The following HELQ variants were observed in gnomAD, a reference collection of about 807,000 sequenced individuals.
HELQ encodes helicase, POLQ like.
A neutral mutation model predicts 111.6 loss-of-function variants in HELQ; 77 were observed. That is an observed-to-expected ratio of 0.69 (90% confidence interval 0.57 to 0.83). The LOEUF is 0.83. HELQ is among the 40% of genes least tolerant of loss of function. The probability of loss-of-function intolerance (pLI) is 0.00; values close to 1 mark genes in which losing one functional copy is unlikely to be tolerated. For missense variants in HELQ, 1,200 were observed against 1,288.5 expected (o/e 0.93, Z 1.05); for synonymous variants, 438 against 454.7 (o/e 0.96, Z 0.47).
chr4:83,439,570 A>AG (rs1467672069), intron 8 of HELQ, among the ~76,000 whole-genome samples: 1 of 151,748 alleles, frequency 6.6e-6, no homozygotes, highest in East Asian at 1.9e-4. Flanking sequence ...CGTGTTGGCC[A>AG]GGCTCGTCTC....
intron 3 of HELQ, among the ~76,000 whole-genome samples, chr4:83,448,099 A>G (rs1464129750): frequency 1.3e-5 from 2 of 151,206 alleles, no homozygotes; most frequent in African/African-American, 4.9e-5. Flanking sequence ...AATCCTAGCT[A>G]CTTGGGAAGC....
At chr4:83,426,892 G>C (rs1320990442) in intron 13 of HELQ, among the ~76,000 whole-genome samples, 3 of 152,164 alleles carry the variant, frequency 2.0e-5, no homozygotes, top group Non-Finnish European at 2.9e-5. Flanking sequence ...CAGCTAGCCT[G>C]TTCACAGTAA....
intron 17 of HELQ, among the ~76,000 whole-genome samples, chr4:83,408,536 C>T (rs1030443671): frequency 1.3e-5 from 2 of 151,820 alleles, no homozygotes; most frequent in African/African-American, 4.8e-5. Context: ...CAGGTGTGAG[C>T]CACCATGCCC....
Position 83,453,629 on chromosome 4 carries a change from T to A in HELQ, c.614A>T (p.Asn205Ile). 1.9e-6 allele frequency: 3 copies of A among 1,613,260 alleles called. No homozygotes were observed. Among genetic ancestry groups the A allele is most frequent in the Non-Finnish European group, 2.5e-6 (3 of 1,179,274 alleles). The part of the protein sequence containing the change: ...VPSSQAIYFE[N>I]LQNSSNDLGD... ...CAAATCATTTGAAGAGTTCTGCAAA[T>A]TTTCAAAGTATATAGCCTGTGAGGA... is the stretch of plus-strand genomic sequence containing the variant. The change falls in exon 2 of 18, where the codon AAT (asparagine) becomes ATT (isoleucine). Residue 205 changes from asparagine (N) to isoleucine (I), a missense_variant. This residue lies in a region of HELQ where 610 missense variants were observed against 607.1 expected (regional missense o/e 1.00). Transcript: ENST00000295488.
intron 8 of HELQ, among the ~76,000 whole-genome samples, chr4:83,438,154 G>C (rs1234504501): frequency 6.6e-6 from 1 of 152,062 alleles, no homozygotes; most frequent in Non-Finnish European, 1.5e-5. Flanking sequence ...CATGATAGTA[G>C]GATTGAAAGA....
At chr4:83,445,894 A>C in intron 5 of HELQ, 120 bp downstream of exon 5, 1 of 637,960 alleles carries the variant, frequency 1.6e-6, no homozygotes, top group Non-Finnish European at 2.7e-6. Context: ...TTTTAAAACA[A>C]AGGCAAAAAG....
At position 83,455,726 on chromosome 4, in the gene HELQ, TCTCAGTGAC is replaced by T; in HGVS notation, c.-42_-34del. On this transcript the variant is annotated 5_prime_UTR_variant, in exon 1 of 18. Transcript: ENST00000295488. ...ACCCAGGGCCCTATTCAGACGTCGT[TCTCAGTGAC>T]CCAGACGCTAAGCCCATATGGAAGG... The T allele has an allele frequency of 6.3e-7, 1 of 1,576,258 alleles. No individual in the cohort carries two copies. Among genetic ancestry groups the T allele is most frequent in the Non-Finnish European group, 8.6e-7 (1 of 1,167,280 alleles).
chr4:83,435,468 G>A (rs1720398368), intron 9 of HELQ, among the ~76,000 whole-genome samples: 1 of 151,998 alleles, frequency 6.6e-6, no homozygotes, highest in Admixed American at 6.6e-5. Flanking sequence ...CTAGTGAAGT[G>A]TAAAAGTGTG....
chr4:83,455,204 CTT>C, intron 1 of HELQ, 191 bp downstream of exon 1: 1 of 1,241,828 alleles, frequency 8.1e-7, no homozygotes, highest in Non-Finnish European at 1.1e-6. Flanking sequence ...GCGTGCACAA[CTT>C]TTATGTCTCG....
At chr4:83,427,971 A>G (rs185160168) in intron 12 of HELQ, among the ~76,000 whole-genome samples, 2 of 152,376 alleles carry the variant, frequency 1.3e-5, no homozygotes, top group Admixed American at 1.3e-4. Context: ...CCCAAAATAC[A>G]TAGAGATGTC....
intron 10 of HELQ, 100 bp from the exon 11 acceptor site, chr4:83,431,868 A>G (rs1265880062): frequency 1.9e-6 from 1 of 539,250 alleles, no homozygotes; most frequent in East Asian, 3.5e-5. Flanking sequence ...GTGGAGCCAG[A>G]AGGAGACCAA....
intron 9 of HELQ, 119 bp from the exon 10 acceptor site, chr4:83,432,386 A>C (rs1720200645): frequency 1.7e-6 from 1 of 599,982 alleles, no homozygotes; most frequent in Non-Finnish European, 2.5e-6. Flanking sequence ...AATAATAGGT[A>C]ACTAGTGTTT....
chr4:83,430,624 T>G (rs965746291), intron 11 of HELQ, among the ~76,000 whole-genome samples: 4 of 152,312 alleles, frequency 2.6e-5, no homozygotes, highest in African/African-American at 9.6e-5. Context: ...CTTACAATTC[T>G]GATGCTATTT....
intron 8 of HELQ, among the ~76,000 whole-genome samples, chr4:83,437,383 C>A (rs980106732): frequency 1.1e-4 from 16 of 151,958 alleles, no homozygotes; most frequent in African/African-American, 3.9e-4. Flanking sequence ...GAGGTAGAGG[C>A]AGAAGGATTG....
intron 3 of HELQ, among the ~76,000 whole-genome samples, chr4:83,448,054 A>G (rs1288325514): frequency 6.6e-6 from 1 of 151,882 alleles, no homozygotes; most frequent in Admixed American, 6.6e-5. Flanking sequence ...TACTAAAAAT[A>G]CAAAAATTAG....
intron 9 of HELQ, among the ~76,000 whole-genome samples, chr4:83,433,843 T>C (rs150368617): frequency 0.012 from 1,762 of 151,044 alleles, 28 homozygotes; most frequent in African/African-American, 0.041. Flanking sequence ...CTAAAAAACA[T>C]TGTGTTGTGT....
rs377648736 is a variant in HELQ, at chr4:83,453,216, A to G, written c.1012+15T>C. The G allele has an allele frequency of 2.1e-5, 33 of 1,549,428 alleles. 1 individual carries two copies. The Admixed American group carries it at 2.6e-4, about 12-fold the overall frequency. On this transcript the variant is annotated intron_variant, in intron 2 of 17. Coordinates refer to ENST00000295488, the MANE Select transcript of HELQ (RefSeq NM_133636.5). ...GATAGGAAAAAAATTTTTTTATTCC[A>G]GCAAAAAGCATTACCATATAATTTT...
chr4:83,447,971 G>T (rs1000694379), intron 3 of HELQ, among the ~76,000 whole-genome samples: 1 of 151,532 alleles, frequency 6.6e-6, no homozygotes, highest in African/African-American at 2.4e-5. Flanking sequence ...GCACTTTGGG[G>T]GGCCGAGGTG....
At position 83,450,222 on chromosome 4, in the gene HELQ, T is replaced by TAAAAAAAAAAAAAAAAAAAAAAAAAA. The variant is rs71668650; in HGVS notation, c.1013-1287_1013-1262dup. Among the ~76,000 whole-genome samples, 3 of 45,608 alleles carry TAAAAAAAAAAAAAAAAAAAAAAAAAA rather than the reference T, an allele frequency of 6.6e-5. 1 individual carries two copies. The highest frequency in any genetic ancestry group is 1.1e-4 in the Non-Finnish European group (2 of 19,030). 29.9% of individuals were successfully genotyped at this position (45,608 alleles called of 152,430 possible). A position where few individuals can be genotyped will look rare whatever the true frequency, so the allele number is the denominator to read the frequency against. ...TGTATGTTCAATATACAGTTAAGTT[T>TAAAAAAAAAAAAAAAAAAAAAAAAAA]AAAAAAAAAAAAAAAAAAAAAAAAA... is the stretch of plus-strand genomic sequence containing the variant. On this transcript the variant is annotated intron_variant, in intron 2 of 17. Transcript: ENST00000295488.
Sources: gnomAD v4.1 joint callset for allele counts (sites outside exome capture counted in the v4.1 genomes callset) on GRCh38, gnomAD v4.1.1 for gene constraint, gnomAD v4.1.1 regional missense constraint, MANE v1.5 for transcripts, NCBI Gene and HGNC (gene_info 2026-07-23, HGNC 2026-07-21) for gene names.